ARMC12: variants seen among roughly 807,000 people sequenced by gnomAD.
ARMC12 encodes armadillo repeat-containing protein 12.
Under a neutral mutation model 37.4 loss-of-function variants are expected in ARMC12, and 25 were observed. The observed-to-expected ratio is 0.67, with a 90% CI of 0.49 to 0.93. ARMC12 has a LOEUF of 0.93. Among genes scored for constraint, ARMC12 ranks in the 40% least tolerant of loss-of-function variants. The pLI is 0.00. For synonymous variants in ARMC12, 167 were observed against 176.1 expected (o/e 0.95, Z 0.41); for missense variants, 384 against 426.6 (o/e 0.90, Z 0.88).
chr6:35,739,873 A>G (rs940843498), intron 3 of ARMC12, among the ~76,000 whole-genome samples: 1 of 152,216 alleles, frequency 6.6e-6, no homozygotes, highest in Non-Finnish European at 1.5e-5. Flanking sequence ...GATGAATTAA[A>G]TCATGTCCAG....
In ARMC12 at chr6:35,738,054, G is replaced by A. The variant is rs1180963269; in HGVS notation, c.191G>A (p.Gly64Glu). 1 of 1,613,852 alleles carries A rather than the reference G, an allele frequency of 6.2e-7. No homozygotes were observed. The highest frequency in any genetic ancestry group is 1.1e-5 in the South Asian group (1 of 91,080). ...CTGGCAGTCGAGCGAGAGCGGCACG[G>A]GCGGGACTCAGGTGAGCTCCGGAGG... ...ARLAVERERH[G>E]RDSGELRRLL... Residue 64 changes from glycine (G) to glutamate (E), a missense_variant, in exon 2 of 6, where the codon GGG becomes GAG. Transcript: ENST00000373866.
upstream of ARMC12, among the ~76,000 whole-genome samples, chr6:35,734,568 C>A (rs1026263878): frequency 1.3e-5 from 2 of 152,076 alleles, no homozygotes; most frequent in African/African-American, 2.4e-5. Context: ...TTTGGGAGGC[C>A]GAGGCAGGCG....
chr6:35,732,625 C>A (rs187619122), upstream of ARMC12, among the ~76,000 whole-genome samples: 110 of 152,288 alleles, frequency 7.2e-4, no homozygotes, highest in African/African-American at 2.6e-3. Context: ...TCGTAGAGGA[C>A]CCCCAACAGT....
At chr6:35,748,443 A>G (rs1240989115) in intron 5 of ARMC12, 95 bp from the exon 6 acceptor site, 4 of 1,038,242 alleles carry the variant, frequency 3.9e-6, no homozygotes, top group African/African-American at 3.3e-5. Context: ...AAATTTAGGT[A>G]TATTTGGGAG....
In ARMC12 at chr6:35,747,313, T is replaced by G. The variant is rs763925241; in HGVS notation, c.497T>G (p.Leu166Arg). ...ATCTCCACCATCTGGGACACGGAAC[T>G]GCACATTGCGGGCCTCAGACTCCTC... is the stretch of plus-strand genomic sequence containing the variant. ...ELISTIWDTE[L>R]HIAGLRLLNN... Residue 166 changes from leucine to arginine, a missense_variant, in exon 4 of 6, where the codon CTG becomes CGG. Transcript: ENST00000373866. 1.3e-5 allele frequency: 21 copies of G among 1,613,668 alleles called. No homozygotes were observed. Among genetic ancestry groups the G allele is most frequent in the Non-Finnish European group, 1.7e-5 (20 of 1,180,038 alleles).
At chr6:35,732,160 C>T (rs562729972), upstream of ARMC12, among the ~76,000 whole-genome samples, 1 of 152,294 alleles carries the variant, frequency 6.6e-6, no homozygotes, top group South Asian at 2.1e-4. Context: ...GGGCGCTGGC[C>T]CCCTCTGCTC....
Position 35,747,667 on chromosome 6 carries a change from G to A in ARMC12, c.690+20G>A, listed in dbSNP as rs1345166250. The A allele has an allele frequency of 6.2e-7, 1 of 1,611,558 alleles. No homozygotes were observed. The highest frequency in any genetic ancestry group is 8.5e-7 in the Non-Finnish European group (1 of 1,178,102). ...TGCCAGGTGAGAAAGAAATTGAAGA[G>A]GGGCTGATGAATGCCAACTCAGGTA... On this transcript the variant is annotated intron_variant, in intron 5 of 5. Transcript: ENST00000373866.
chr6:35,747,430 C>G lies in ARMC12; in HGVS notation c.614C>G (p.Ala205Gly). Residue 205 changes from alanine to glycine, a missense_variant, in exon 4 of 6, where the codon GCA (alanine) becomes GGA (glycine). Transcript: ENST00000373866. The part of the protein sequence containing the change: ...MEILQSDYIL[A>G]QVQAVRLLSY... Reference sequence around the variant, plus strand: ...ATCCTGCAGTCAGACTACATCCTGGCACAGGTGCCTGAGGACCATGGCCAA... The same window carrying G: ...ATCCTGCAGTCAGACTACATCCTGGGACAGGTGCCTGAGGACCATGGCCAA... 1 of 1,614,152 alleles carries G rather than the reference C, an allele frequency of 6.2e-7. No individual in the cohort carries two copies.
Position 35,738,180 on chromosome 6 carries a change from A to G in ARMC12, c.309+8A>G, listed in dbSNP as rs1477272074. On this transcript the variant is annotated splice_region_variant and intron_variant, in intron 2 of 5. Coordinates refer to ENST00000373866, the MANE Select transcript of ARMC12 (RefSeq NM_001286574.2). ...TACTTGCTGGAGGCTGAGGTAAGGG[A>G]AGCAGGAGGTCCCCCCTAGCCGGCC... The G allele has an allele frequency of 3.1e-6, 5 of 1,607,300 alleles. No individual in the cohort carries two copies. Among genetic ancestry groups the G allele is most frequent in the Non-Finnish European group, 4.3e-6 (5 of 1,176,178 alleles).
At chr6:35,741,557 G>A (rs1348426926) in intron 3 of ARMC12, among the ~76,000 whole-genome samples, 1 of 151,916 alleles carries the variant, frequency 6.6e-6, no homozygotes, top group African/African-American at 2.4e-5. Flanking sequence ...TGGAATCACA[G>A]GCGTGCGCGC....
chr6:35,739,627 C>T (rs1423847813), intron 3 of ARMC12, among the ~76,000 whole-genome samples: 1 of 152,200 alleles, frequency 6.6e-6, no homozygotes, highest in Admixed American at 6.5e-5. Flanking sequence ...TGCTTTAAGG[C>T]CCAGGAAAGG....
At chr6:35,743,970 A>G (rs921230879) in intron 3 of ARMC12, among the ~76,000 whole-genome samples, 2 of 149,700 alleles carry the variant, frequency 1.3e-5, no homozygotes, top group Non-Finnish European at 3.0e-5. Flanking sequence ...AAAAAAGAAA[A>G]AGAAAATCTT....
chr6:35,741,569 C>T (rs1446941637), intron 3 of ARMC12, among the ~76,000 whole-genome samples: 19 of 152,084 alleles, frequency 1.2e-4, no homozygotes, highest in Non-Finnish European at 2.5e-4. Flanking sequence ...CGTGCGCGCA[C>T]CACCATGCCT....
chr6:35,742,496 C>CAAA (rs760070963), intron 3 of ARMC12, among the ~76,000 whole-genome samples: 10,922 of 43,334 alleles, frequency 0.25, 1,893 homozygotes, highest in South Asian at 0.31. Flanking sequence ...GACTCTGTCT[C>CAAA]AAAAAAAAAA....
At position 35,748,598 on chromosome 6, in the gene ARMC12, G is replaced by A. The variant is rs1767410023; in HGVS notation, c.751G>A (p.Val251Ile). The change falls in exon 6 of 6, where the codon GTA (valine) becomes ATA (isoleucine). Residue 251 changes from valine to isoleucine, a missense_variant. Coordinates refer to ENST00000373866, the MANE Select transcript of ARMC12 (RefSeq NM_001286574.2). ...PTQSGSLLYE[V>I]LVFAERLSEG... The stretch of plus-strand genomic sequence containing the variant: ...ACAGTCAGGGAGTCTCCTGTATGAG[G>A]TACTGGTGTTTGCTGAGCGGCTGAG... 1.3e-6 allele frequency: 2 copies of A among 1,593,552 alleles called. No individual in the cohort carries two copies. Among genetic ancestry groups the A allele is most frequent in the Non-Finnish European group, 1.7e-6 (2 of 1,169,174 alleles).
upstream of ARMC12, among the ~76,000 whole-genome samples, chr6:35,734,878 T>C (rs1273278487): frequency 6.6e-6 from 1 of 152,102 alleles, no homozygotes; most frequent in African/African-American, 2.4e-5. Flanking sequence ...TGCCAACAAA[T>C]AGACATTCCT....
At chr6:35,732,239 G>A (rs1344627046), upstream of ARMC12, among the ~76,000 whole-genome samples, 1 of 152,218 alleles carries the variant, frequency 6.6e-6, no homozygotes, top group Admixed American at 6.5e-5. Context: ...AGCGCTAGCT[G>A]GGGAGATGAT....
chr6:35,734,945 ACT>A (rs1766922378), upstream of ARMC12: 1 of 152,212 alleles, frequency 6.6e-6, no homozygotes, highest in Non-Finnish European at 1.5e-5. Flanking sequence ...TCTAGGAATG[ACT>A]CTGCCTCTAA....
chr6:35,741,951 G>A (rs1767181253), intron 3 of ARMC12, among the ~76,000 whole-genome samples: 1 of 151,934 alleles, frequency 6.6e-6, no homozygotes, highest in African/African-American at 2.4e-5. Context: ...TCCACCTCCA[G>A]GACTCAAGTG....
Sources: allele counts gnomAD v4.1 joint callset (sites outside exome capture counted in the v4.1 genomes callset), GRCh38; gene constraint gnomAD v4.1.1; transcripts MANE v1.5; gene names NCBI Gene and HGNC (gene_info 2026-07-23, HGNC 2026-07-21).